Variants in ZNF644 observed in about 807,000 individuals in gnomAD.
The protein encoded by ZNF644 is zinc finger motif enhancer binding protein 2.
ZNF644 carries 20 observed loss-of-function variants against 108.0 expected under a neutral mutation model. The ratio of observed to expected loss-of-function variants is 0.19; its 90% CI spans 0.13 to 0.27. The LOEUF is 0.27. Ranked by LOEUF, ZNF644 falls within the 10% of genes least tolerant of loss-of-function variation. The pLI is 1.00. For synonymous variants in ZNF644, 542 were observed against 539.1 expected, an observed-to-expected ratio of 1.01 and a Z score of -0.08; for missense variants, 1,338 against 1,548.9, an observed-to-expected ratio of 0.86 and a Z score of 2.29.
chr1:91,010,734 T>TA (rs1439994664), intron 1 of ZNF644, among the ~76,000 whole-genome samples: 1 of 151,802 alleles, frequency 6.6e-6, no homozygotes, highest in Non-Finnish European at 1.5e-5. Context: ...TCATGAGCTC[T>TA]TTGGAGTAGA....
intron 1 of ZNF644, among the ~76,000 whole-genome samples, chr1:90,999,878 G>C: frequency 6.6e-6 from 1 of 152,016 alleles, no homozygotes; most frequent in Non-Finnish European, 1.5e-5. Flanking sequence ...AAAAGGCAGG[G>C]GTTGCAATCC....
intron 2 of ZNF644, among the ~76,000 whole-genome samples, chr1:90,959,991 C>G (rs11581858): frequency 3.3e-4 from 51 of 152,250 alleles, no homozygotes; most frequent in Non-Finnish European, 5.6e-4. Flanking sequence ...TATAAATAAT[C>G]CCTTTGTCCA....
intron 1 of ZNF644, among the ~76,000 whole-genome samples, chr1:90,997,900 T>A (rs897842677): frequency 1.9e-4 from 29 of 152,306 alleles, no homozygotes; most frequent in African/African-American, 6.0e-4. Context: ...GGAGATTATA[T>A]CCCTCGCGTG....
intron 1 of ZNF644, among the ~76,000 whole-genome samples, chr1:90,987,955 C>T (rs1657270953): frequency 6.6e-6 from 1 of 152,074 alleles, no homozygotes; most frequent in Non-Finnish European, 1.5e-5. Flanking sequence ...TAACATCACA[C>T]TCAACCGTGA....
intron 2 of ZNF644, among the ~76,000 whole-genome samples, chr1:90,969,940 G>A (rs1033223494): frequency 3.3e-5 from 5 of 152,110 alleles, no homozygotes; most frequent in Non-Finnish European, 7.3e-5. Flanking sequence ...GAACAAATGA[G>A]ATGTTTTAAA....
chr1:90,916,336 T>C lies in ZNF644; in HGVS notation c.*462A>G, dbSNP rs1413040409. On this transcript the variant is annotated 3_prime_UTR_variant, in exon 6 of 6. Transcript: ENST00000337393. The stretch of plus-strand genomic sequence containing the variant: ...ATGAAGTACATGATATTTAATGCCC[T>C]AATTTGAGTAAATTTAGTCAGCGGT... 1 of 177,646 alleles carries C rather than the reference T, an allele frequency of 5.6e-6. No individual in the cohort carries two copies. The highest frequency in any genetic ancestry group is 1.5e-4 in the East Asian group (1 of 6,560). 11.0% of individuals were successfully genotyped at this position (177,646 alleles called of 1,614,324 possible). A position where few individuals can be genotyped will look rare whatever the true frequency, so the allele number is the denominator to read the frequency against.
chr1:90,925,950 A>G (rs1460103928), intron 4 of ZNF644, among the ~76,000 whole-genome samples: 4 of 152,270 alleles, frequency 2.6e-5, no homozygotes, highest in Admixed American at 2.6e-4. Flanking sequence ...TTGAGTTCCC[A>G]GCCATGATGG....
intron 1 of ZNF644, among the ~76,000 whole-genome samples, chr1:90,995,425 T>C (rs1164740917): frequency 6.6e-6 from 1 of 152,224 alleles, no homozygotes; most frequent in African/African-American, 2.4e-5. Context: ...CCAACATATA[T>C]GTAAGTCCCA....
intron 1 of ZNF644, among the ~76,000 whole-genome samples, chr1:91,008,392 C>T (rs2101737557): frequency 6.6e-6 from 1 of 152,304 alleles, no homozygotes; most frequent in East Asian, 1.9e-4. Context: ...TCTAGGCCTT[C>T]TCCACTGACA....
chr1:90,991,377 A>C (rs1227100884), intron 1 of ZNF644, among the ~76,000 whole-genome samples: 1 of 152,212 alleles, frequency 6.6e-6, no homozygotes, highest in Admixed American at 6.5e-5. Flanking sequence ...CCATTTCTTA[A>C]AATGTCAAAC....
intron 4 of ZNF644, among the ~76,000 whole-genome samples, chr1:90,933,897 T>C (rs1169333198): frequency 6.6e-6 from 1 of 152,184 alleles, no homozygotes; most frequent in African/African-American, 2.4e-5. Flanking sequence ...TAAGTCCTAG[T>C]TTCCTATAAA....
At chr1:90,917,079 T>C (rs751022918) in intron 5 of ZNF644, 89 bp from the exon 6 acceptor site, 16 of 1,330,132 alleles carry the variant, frequency 1.2e-5, no homozygotes, top group Middle Eastern at 2.1e-4. Context: ...AGGAATAAAC[T>C]TTATCATATT....
chr1:91,004,390 G>A lies in ZNF644; in HGVS notation c.-18+17600C>T, dbSNP rs138128196. ...TTTTTCATGAGAAACCATGGAGGCCGGATGGCAATGGTGTCAAAGTACTGA... is the reference window on the plus strand; with the variant it reads ...TTTTTCATGAGAAACCATGGAGGCCAGATGGCAATGGTGTCAAAGTACTGA... On this transcript the variant is annotated intron_variant, in intron 1 of 5. Coordinates refer to ENST00000337393, the MANE Select transcript of ZNF644 (RefSeq NM_201269.3). 2.7e-3 allele frequency among the ~76,000 whole-genome samples: 405 copies of A among 152,256 alleles called. 2 individuals are homozygous for A. The highest frequency in any genetic ancestry group is 9.3e-3 in the African/African-American group (387 of 41,566).
intron 1 of ZNF644, among the ~76,000 whole-genome samples, chr1:90,998,813 C>T (rs987945292): frequency 2.6e-5 from 4 of 152,142 alleles, no homozygotes; most frequent in Non-Finnish European, 5.9e-5. Context: ...AAAGACTAGA[C>T]AAATGGCTAA....
chr1:91,002,935 C>G (rs1209699018), intron 1 of ZNF644, among the ~76,000 whole-genome samples: 1 of 150,942 alleles, frequency 6.6e-6, no homozygotes, highest in Non-Finnish European at 1.5e-5. Context: ...AAAAAATGCT[C>G]ATCATCACTG....
intron 4 of ZNF644, among the ~76,000 whole-genome samples, chr1:90,932,570 C>T (rs562691317): frequency 9.9e-5 from 15 of 151,978 alleles, no homozygotes; most frequent in Admixed American, 8.5e-4. Flanking sequence ...CAAGTGGAAC[C>T]TTCTAGGGCC....
chr1:90,993,526 A>G (rs1373780866), intron 1 of ZNF644, among the ~76,000 whole-genome samples: 8 of 152,222 alleles, frequency 5.3e-5, no homozygotes, highest in Admixed American at 5.2e-4. Flanking sequence ...TTTGTTACAC[A>G]ATAATTAGCT....
At chr1:91,017,606 A>G (rs373853176) in intron 1 of ZNF644, among the ~76,000 whole-genome samples, 1 of 152,240 alleles carries the variant, frequency 6.6e-6, no homozygotes. Flanking sequence ...TCTTGAAATT[A>G]AAAGAATAAA....
intron 1 of ZNF644, among the ~76,000 whole-genome samples, chr1:91,013,076 T>A (rs1392150089): frequency 5.9e-5 from 9 of 152,128 alleles, no homozygotes. Context: ...ATTTATCTTT[T>A]TTCTTTTGTT....
Sources: allele counts gnomAD v4.1 joint callset (sites outside exome capture counted in the v4.1 genomes callset), GRCh38; gene constraint gnomAD v4.1.1; transcripts MANE v1.5; gene names NCBI Gene and HGNC (gene_info 2026-07-23, HGNC 2026-07-21).